DACH1: variants seen among roughly 807,000 people sequenced by gnomAD.
DACH1 encodes the protein dachshund family transcription factor 1.
Under a neutral mutation model 54.2 loss-of-function variants are expected in DACH1, and 12 were observed. The ratio of observed to expected loss-of-function variants is 0.22; its 90% CI spans 0.14 to 0.36. DACH1 has a LOEUF of 0.36. DACH1 is among the 10% of genes least tolerant of loss of function. The probability of loss-of-function intolerance (pLI) is 1.00; values close to 1 mark genes in which losing one functional copy is unlikely to be tolerated. For synonymous variants in DACH1, 386 were observed against 366.2 expected (o/e 1.05, Z -0.62); for missense variants, 805 against 929.8 (o/e 0.87, Z 1.75).
chr13:71,475,630 C>A lies in DACH1; in HGVS notation c.2014+76G>T, dbSNP rs145452547. 4.2e-5 allele frequency: 62 copies of A among 1,484,386 alleles called. No homozygotes were observed. The East Asian group carries it at 1.3e-3, about 32-fold the overall frequency. The allele number at this position is 1,484,386 out of a possible 1,614,324, so 92.0% of individuals were successfully genotyped here. A position where few individuals can be genotyped will look rare whatever the true frequency, so the allele number is the denominator to read the frequency against. On this transcript the variant is annotated intron_variant, in intron 9 of 10. Transcript: ENST00000613252. ...TCACAAGATATAGAAACATACAAAA[C>A]TACAAACACATGCCTAAACTGTCCT...
intron 3 of DACH1, among the ~76,000 whole-genome samples, chr13:71,615,724 T>C (rs911446728): frequency 5.9e-5 from 9 of 152,192 alleles, no homozygotes; most frequent in Admixed American, 2.0e-4. Flanking sequence ...GAAATGAATG[T>C]TGAGGGCATG....
intron 1 of DACH1, among the ~76,000 whole-genome samples, chr13:71,694,098 G>A (rs1402268801): frequency 2.6e-5 from 4 of 152,090 alleles, no homozygotes; most frequent in Non-Finnish European, 2.9e-5. Flanking sequence ...GATGGCTGAC[G>A]CAACCTAAAA....
At chr13:71,499,393 A>G (rs931664008) in intron 6 of DACH1, among the ~76,000 whole-genome samples, 1 of 152,206 alleles carries the variant, frequency 6.6e-6, no homozygotes, top group Non-Finnish European at 1.5e-5. Flanking sequence ...GATGTTTTGC[A>G]TATCTGCACA....
intron 1 of DACH1, among the ~76,000 whole-genome samples, chr13:71,774,903 G>T (rs965577502): frequency 6.6e-6 from 1 of 151,952 alleles, no homozygotes; most frequent in African/African-American, 2.4e-5. Context: ...ATTGTTCCTA[G>T]GTCTTTACAA....
chr13:71,808,621 T>G (rs1229427101), intron 1 of DACH1, among the ~76,000 whole-genome samples: 1 of 152,210 alleles, frequency 6.6e-6, no homozygotes, highest in Admixed American at 6.5e-5. Flanking sequence ...CAAGGTCATT[T>G]GGTCATTGAT....
chr13:71,694,643 A>G (rs534187496), intron 1 of DACH1, among the ~76,000 whole-genome samples: 2 of 152,198 alleles, frequency 1.3e-5, no homozygotes, highest in Non-Finnish European at 2.9e-5. Flanking sequence ...CTGTCCTTTC[A>G]AGCTTGAATA....
At position 71,614,928 on chromosome 13, in the gene DACH1, GT is replaced by G. The variant is rs201566403; in HGVS notation, c.1126+15627del. On this transcript the variant is annotated intron_variant, in intron 3 of 10. Transcript: ENST00000613252. The stretch of plus-strand genomic sequence containing the variant: ...TACAAGAAATCATTTGAATCTATCA[GT>G]TTTTTTTTTAAAAAAAGATAACTAA... Among the ~76,000 whole-genome samples, 177 of 140,924 alleles carry G rather than the reference GT, an allele frequency of 1.3e-3. 1 individual carries two copies. Among genetic ancestry groups the G allele is most frequent in the African/African-American group, 3.7e-3 (142 of 38,318 alleles). The allele number at this position is 140,924 out of a possible 152,430, so 92.5% of individuals were successfully genotyped here.
At chr13:71,764,729 T>A (rs1325748648) in intron 1 of DACH1, among the ~76,000 whole-genome samples, 1 of 152,198 alleles carries the variant, frequency 6.6e-6, no homozygotes, top group African/African-American at 2.4e-5. Flanking sequence ...TTATTTTACT[T>A]CTTTACTTTT....
rs555929428 is a variant in DACH1 at position 71,860,609 on chromosome 13, G to A, written c.848+5313C>T. On this transcript the variant is annotated intron_variant, in intron 1 of 10. Coordinates refer to ENST00000613252, the MANE Select transcript of DACH1 (RefSeq NM_080759.6). ...TGACTCACCTGTACCTATTTAGAAG[G>A]CATAGTTCAAATTAATTTCTTCAGA... Among the ~76,000 whole-genome samples the A allele has an allele frequency of 1.4e-4, 21 of 151,900 alleles. 1 individual carries two copies. In the South Asian group the frequency reaches 4.2e-3, roughly 30 times the overall value.
intron 1 of DACH1, among the ~76,000 whole-genome samples, chr13:71,817,509 G>A (rs189484396): frequency 4.6e-5 from 7 of 152,280 alleles, no homozygotes; most frequent in Non-Finnish European, 8.8e-5. Context: ...AGGGAACTAG[G>A]CCTGCACTCA....
intron 2 of DACH1, among the ~76,000 whole-genome samples, chr13:71,653,620 A>C (rs1878837296): frequency 6.6e-6 from 1 of 152,180 alleles, no homozygotes; most frequent in Non-Finnish European, 1.5e-5. Context: ...GATGTACCAA[A>C]AATATTAGAA....
At chr13:71,728,822 T>C (rs1883602359) in intron 1 of DACH1, among the ~76,000 whole-genome samples, 1 of 152,002 alleles carries the variant, frequency 6.6e-6, no homozygotes, top group Non-Finnish European at 1.5e-5. Flanking sequence ...ATCCAAGTAA[T>C]GTGTAATAGA....
At chr13:71,818,102 C>T (rs955477814) in intron 1 of DACH1, among the ~76,000 whole-genome samples, 3 of 152,054 alleles carry the variant, frequency 2.0e-5, no homozygotes, top group Non-Finnish European at 2.9e-5. Context: ...TGTGAGCCAC[C>T]GCACCCAGCC....
intron 1 of DACH1, among the ~76,000 whole-genome samples, chr13:71,686,895 T>A (rs1881191677): frequency 6.6e-6 from 1 of 152,192 alleles, no homozygotes; most frequent in African/African-American, 2.4e-5. Context: ...AGAGCTACTG[T>A]ATATAAGCAC....
chr13:71,549,480 T>C (rs1026564836), intron 6 of DACH1, among the ~76,000 whole-genome samples: 6 of 152,114 alleles, frequency 3.9e-5, no homozygotes, highest in African/African-American at 7.2e-5. Context: ...TTATAGCATT[T>C]ATAAGACTGC....
intron 1 of DACH1, among the ~76,000 whole-genome samples, chr13:71,754,962 G>C (rs148421296): frequency 3.3e-5 from 5 of 152,080 alleles, no homozygotes; most frequent in Non-Finnish European, 7.4e-5. Flanking sequence ...GACCGGGGCC[G>C]GGGGGAAATC....
intron 1 of DACH1, among the ~76,000 whole-genome samples, chr13:71,788,513 AT>A (rs1308152993): frequency 6.6e-6 from 1 of 152,134 alleles, no homozygotes; most frequent in Non-Finnish European, 1.5e-5. Context: ...CAAATTTAGA[AT>A]CAAATGTGAA....
chr13:71,533,576 C>T (rs1260926056), intron 6 of DACH1, among the ~76,000 whole-genome samples: 1 of 151,940 alleles, frequency 6.6e-6, no homozygotes, highest in African/African-American at 2.4e-5. Context: ...ATTTAAGGGT[C>T]TTTTCTTCAG....
intron 1 of DACH1, among the ~76,000 whole-genome samples, chr13:71,813,720 A>C (rs1887806665): frequency 6.6e-6 from 1 of 152,310 alleles, no homozygotes; most frequent in Admixed American, 6.5e-5. Flanking sequence ...CAAAAGCACA[A>C]GTTCTATGAG....
Sources: gnomAD v4.1 joint callset for allele counts (sites outside exome capture counted in the v4.1 genomes callset) on GRCh38, gnomAD v4.1.1 for gene constraint, MANE v1.5 for transcripts, NCBI Gene and HGNC (gene_info 2026-07-23, HGNC 2026-07-21) for gene names.